Variants in PHETA1 observed in about 807,000 individuals in gnomAD.
PHETA1 encodes PH domain containing endocytic trafficking adaptor 1.
For missense variants in PHETA1, 348 were observed against 373.5 expected (o/e 0.93, Z 0.56); for synonymous variants, 155 against 168.9 (o/e 0.92, Z 0.64).
chr12:111,363,532 C>T lies in PHETA1; in HGVS notation c.-36-69G>A. 1 of 1,535,588 alleles carries T rather than the reference C, an allele frequency of 6.5e-7. No individual in the cohort carries two copies. The highest frequency in any genetic ancestry group is 8.7e-7 in the Non-Finnish European group (1 of 1,144,884). On this transcript the variant is annotated intron_variant, in intron 2 of 2. Coordinates refer to ENST00000683047, the MANE Select transcript of PHETA1 (RefSeq NM_144671.6). The surrounding 1 kb of genome is among the most constrained non-coding windows in gnomAD (Gnocchi z 7.4). ...TAGGTCACCCAGTGCCCCAAGGGGA[C>T]CTTGCAGCCACTCTACATCCCCGTT...
intron 2 of PHETA1, among the ~76,000 whole-genome samples, chr12:111,364,255 G>A (rs1021975576): frequency 6.6e-6 from 1 of 151,206 alleles, no homozygotes; most frequent in Non-Finnish European, 1.5e-5. Flanking sequence ...GCTGAGGCAG[G>A]AGAATCACCT....
chr12:111,362,807 C>A lies in PHETA1; in HGVS notation c.621G>T (p.Pro207=). The part of the protein sequence containing the change: ...FRPGPEPPPP[P]PRRRASAPHG... ...GGGGTGCCGAGGCCCGGCGGCGAGGCGGTGGTGGAGGGGGCTCGGGTCCAG... is the reference window on the plus strand; with the variant it reads ...GGGGTGCCGAGGCCCGGCGGCGAGGAGGTGGTGGAGGGGGCTCGGGTCCAG... Residue 207 remains proline (P), a synonymous_variant, in exon 3 of 3, where the codon CCG becomes CCT. Coordinates refer to ENST00000683047, the MANE Select transcript of PHETA1 (RefSeq NM_144671.6). 6.5e-7 allele frequency: 1 copy of A among 1,538,930 alleles called. No homozygotes were observed. The highest frequency in any genetic ancestry group is 8.7e-7 in the Non-Finnish European group (1 of 1,145,244).
chr12:111,362,633 A>G lies in PHETA1; in HGVS notation c.*45T>C. The G allele has an allele frequency of 5.8e-6, 9 of 1,548,376 alleles. No homozygotes were observed. The highest frequency in any genetic ancestry group is 7.8e-6 in the Non-Finnish European group (9 of 1,146,816). On this transcript the variant is annotated 3_prime_UTR_variant, in exon 3 of 3. Transcript: ENST00000683047. ...CTCTCCAGGACCCGGCCTGTCCCAG[A>G]GGGCATAGAGCTTGTGTCCCCCTAA... is the stretch of plus-strand genomic sequence containing the variant.
intron 2 of PHETA1, chr12:111,365,521 C>T: frequency 4.4e-6 from 2 of 455,972 alleles, no homozygotes; most frequent in South Asian, 1.6e-5. Flanking sequence ...CCCAAATGCC[C>T]ATCAATGATA....
In PHETA1 at chr12:111,367,218, G is replaced by A. The variant is rs150037083; in HGVS notation, c.-181-961C>T. 4.1e-4 allele frequency among the ~76,000 whole-genome samples: 63 copies of A among 152,122 alleles called. No individual in the cohort carries two copies. The highest frequency in any genetic ancestry group is 1.5e-3 in the African/African-American group (62 of 41,478). ...TCACAAGGCCAGCTCCCCATCCTTT[G>A]GTCTCAGCCTAGCTGTCACCTCCTC... On this transcript the variant is annotated intron_variant, in intron 1 of 2. Coordinates refer to ENST00000683047, the MANE Select transcript of PHETA1 (RefSeq NM_144671.6). The surrounding 1 kb of genome is among the most constrained non-coding windows in gnomAD (Gnocchi z 4.0).
rs995668204 is a variant in PHETA1 at position 111,362,448 on chromosome 12, C to A, written c.*230G>T. On this transcript the variant is annotated 3_prime_UTR_variant, in exon 3 of 3. Coordinates refer to ENST00000683047, the MANE Select transcript of PHETA1 (RefSeq NM_144671.6). ...GCCCTGGATTCTCCTTAGTGTTGCA[C>A]GTGACGTTCCCCTCAAGGGTAGGCC... The A allele has an allele frequency of 4.4e-6, 5 of 1,138,942 alleles. No homozygotes were observed. The highest frequency in any genetic ancestry group is 2.0e-4 in the Middle Eastern group (1 of 4,974). The allele number at this position is 1,138,942 out of a possible 1,614,324, so 70.6% of individuals were successfully genotyped here. A position where few individuals can be genotyped will look rare whatever the true frequency, so the allele number is the denominator to read the frequency against.
At position 111,361,814 on chromosome 12, in the gene PHETA1, C is replaced by T. The variant is rs1443768067; in HGVS notation, c.*864G>A. On this transcript the variant is annotated 3_prime_UTR_variant, in exon 3 of 3. Transcript: ENST00000683047. ...CTGGGGGAACCTGCTAGAAGGTCAC[C>T]TCGGGCCATGGCTACCCAGCCCAGG... The T allele has an allele frequency of 2.2e-6, 1 of 448,404 alleles. No individual in the cohort carries two copies. The highest frequency in any genetic ancestry group is 1.6e-5 in the South Asian group (1 of 64,028). The allele number at this position is 448,404 out of a possible 1,614,324, so 27.8% of individuals were successfully genotyped here. A position where few individuals can be genotyped will look rare whatever the true frequency, so the allele number is the denominator to read the frequency against.
rs1868623842 is a variant in PHETA1, at chr12:111,361,863, A to C, written c.*815T>G. The C allele has an allele frequency of 6.6e-6, 3 of 455,778 alleles. No homozygotes were observed. The highest frequency in any genetic ancestry group is 4.6e-5 in the South Asian group (3 of 64,562). 28.2% of individuals were successfully genotyped at this position (455,778 alleles called of 1,614,324 possible). A position where few individuals can be genotyped will look rare whatever the true frequency, so the allele number is the denominator to read the frequency against. On this transcript the variant is annotated 3_prime_UTR_variant, in exon 3 of 3. Coordinates refer to ENST00000683047, the MANE Select transcript of PHETA1 (RefSeq NM_144671.6). Reference sequence around the variant, plus strand: ...GGAAGGGAGGTCAGGCAAGCTCCCAAGGGGCCCCAGGCCTAGGGGCCAAGA... The same window carrying C: ...GGAAGGGAGGTCAGGCAAGCTCCCACGGGGCCCCAGGCCTAGGGGCCAAGA...
At chr12:111,365,003 G>A (rs1026455251) in intron 2 of PHETA1, among the ~76,000 whole-genome samples, 7 of 152,122 alleles carry the variant, frequency 4.6e-5, no homozygotes, top group Non-Finnish European at 8.8e-5. Flanking sequence ...GCAGGGGGTC[G>A]ACCCGTGCCA....
At position 111,363,290 on chromosome 12, in the gene PHETA1, G is replaced by A. The variant is rs760142599; in HGVS notation, c.138C>T (p.Leu46=). ...RRWFVLRGNM[L]FYFEDAASRE... ...GGCTGGCAGCGTCCTCGAAGTAGAA[G>A]AGCATGTTCCCGCGCAGCACGAACC... Residue 46 remains leucine, a synonymous_variant, in exon 3 of 3, where the codon CTC becomes CTT. Coordinates refer to ENST00000683047, the MANE Select transcript of PHETA1 (RefSeq NM_144671.6). This position sits in a 1 kb window ranked among gnomAD's most constrained non-coding sequence, Gnocchi z 7.4. The A allele has an allele frequency of 1.2e-6, 2 of 1,613,178 alleles. No homozygotes were observed. The highest frequency in any genetic ancestry group is 2.2e-5 in the South Asian group (2 of 91,074).
At position 111,362,604 on chromosome 12, in the gene PHETA1, C is replaced by A. The variant is rs574531685; in HGVS notation, c.*74G>T. 3 of 1,544,340 alleles carry A rather than the reference C, an allele frequency of 1.9e-6. No individual in the cohort carries two copies. In the African/African-American group the frequency reaches 4.1e-5, roughly 21 times the overall value. On this transcript the variant is annotated 3_prime_UTR_variant, in exon 3 of 3. Coordinates refer to ENST00000683047, the MANE Select transcript of PHETA1 (RefSeq NM_144671.6). Reference sequence around the variant, plus strand: ...TGATTTCCCTCAGGATCTGCTCCCCCAGTCTCTCCAGGACCCGGCCTGTCC... The same window carrying A: ...TGATTTCCCTCAGGATCTGCTCCCCAAGTCTCTCCAGGACCCGGCCTGTCC...
rs745434699 is a variant in PHETA1 at position 111,363,199 on chromosome 12, ACTC to A, written c.226_228del (p.Glu76del). The A allele has an allele frequency of 1.9e-6, 3 of 1,612,790 alleles. No homozygotes were observed. Among genetic ancestry groups the A allele is most frequent in the Non-Finnish European group, 2.5e-6 (3 of 1,179,890 alleles). On this transcript the variant is annotated inframe_deletion, in exon 3 of 3. Coordinates refer to ENST00000683047, the MANE Select transcript of PHETA1 (RefSeq NM_144671.6). The surrounding 1 kb of genome is among the most constrained non-coding windows in gnomAD (Gnocchi z 7.4). ...CCCGCAAAGCGCACAGCGAAGGCGA[ACTC>A]CTCGGCGGCCTCCACCAGCTCCACA... is the stretch of plus-strand genomic sequence containing the variant.
In PHETA1 at chr12:111,360,864, T is replaced by G. The variant is rs925734088; in HGVS notation, c.*1814A>C. Reference sequence around the variant, plus strand: ...AGAGTCTGTAAACCTACGCCAGGACTGGGGTTAACACCCCAGCCCACCAGC... The same window carrying G: ...AGAGTCTGTAAACCTACGCCAGGACGGGGGTTAACACCCCAGCCCACCAGC... On this transcript the variant is annotated 3_prime_UTR_variant, in exon 3 of 3. Transcript: ENST00000683047. 2 of 152,702 alleles carry G rather than the reference T, an allele frequency of 1.3e-5. No individual in the cohort carries two copies. The highest frequency in any genetic ancestry group is 1.3e-4 in the Admixed American group (2 of 15,272). The allele number at this position is 152,702 out of a possible 1,614,324, so 9.5% of individuals were successfully genotyped here. A position where few individuals can be genotyped will look rare whatever the true frequency, so the allele number is the denominator to read the frequency against.
rs1434498545 is a variant in PHETA1, at chr12:111,362,862, G to A, written c.566C>T (p.Ala189Val). 3.9e-6 allele frequency: 6 copies of A among 1,537,062 alleles called. No individual in the cohort carries two copies. The Middle Eastern group carries it at 5.5e-4, about 141-fold the overall frequency. ...SALPPKENGC[A>V]VWSTEATFRP... The stretch of plus-strand genomic sequence containing the variant: ...GAAGGTGGCCTCAGTGCTCCAGACA[G>A]CGCAGCCATTCTCCTTGGGCGGGAG... Residue 189 changes from alanine (A) to valine (V), a missense_variant, in exon 3 of 3, where the codon GCT (alanine) becomes GTT (valine). Transcript: ENST00000683047.
chr12:111,363,666 AG>A lies in PHETA1; in HGVS notation c.-36-204del. 1.3e-6 allele frequency: 2 copies of A among 1,533,866 alleles called. No individual in the cohort carries two copies. The highest frequency in any genetic ancestry group is 1.7e-6 in the Non-Finnish European group (2 of 1,146,016). ...GAACCTGGGTCTCACGGGCCTCCCC[AG>A]ACAGCCTCATAACCTCCTACCCTCC... On this transcript the variant is annotated intron_variant, in intron 2 of 2. Coordinates refer to ENST00000683047, the MANE Select transcript of PHETA1 (RefSeq NM_144671.6). The surrounding 1 kb of genome is among the most constrained non-coding windows in gnomAD (Gnocchi z 7.4).
In PHETA1 at chr12:111,361,256, A is replaced by T. The variant is rs1868582910; in HGVS notation, c.*1422T>A. ...CTTTGTTGCCAGAGAAAAAAAAATGAACCCTAAGTATTTAAAATTCAGACG... is the reference window on the plus strand; with the variant it reads ...CTTTGTTGCCAGAGAAAAAAAAATGTACCCTAAGTATTTAAAATTCAGACG... On this transcript the variant is annotated 3_prime_UTR_variant, in exon 3 of 3. Coordinates refer to ENST00000683047, the MANE Select transcript of PHETA1 (RefSeq NM_144671.6). 1 of 152,184 alleles carries T rather than the reference A, an allele frequency of 6.6e-6. No individual in the cohort carries two copies. The highest frequency in any genetic ancestry group is 2.1e-4 in the South Asian group (1 of 4,826). 9.4% of individuals were successfully genotyped at this position (152,184 alleles called of 1,614,324 possible). A position where few individuals can be genotyped will look rare whatever the true frequency, so the allele number is the denominator to read the frequency against.
At position 111,362,944 on chromosome 12, in the gene PHETA1, G is replaced by A; in HGVS notation, c.484C>T (p.Leu162=). 2 of 1,487,940 alleles carry A rather than the reference G, an allele frequency of 1.3e-6. No individual in the cohort carries two copies. The highest frequency in any genetic ancestry group is 2.7e-5 in the South Asian group (2 of 75,164). The allele number at this position is 1,487,940 out of a possible 1,614,324, so 92.2% of individuals were successfully genotyped here. ...LPSALAPVPS[L]PSAPAPVPAL... is the part of the protein sequence containing the mutation. Reference sequence around the variant, plus strand: ...GGGACCGGGGCTGGGGCAGAAGGCAGGGATGGGACTGGGGCCAGGGCAGAG... The same window carrying A: ...GGGACCGGGGCTGGGGCAGAAGGCAAGGATGGGACTGGGGCCAGGGCAGAG... Residue 162 remains leucine (L), a synonymous_variant, in exon 3 of 3, where the codon CTG becomes TTG. Transcript: ENST00000683047.
At chr12:111,365,747 T>A in intron 2 of PHETA1, 1 of 240,758 alleles carries the variant, frequency 4.2e-6, no homozygotes, top group South Asian at 3.6e-5. Flanking sequence ...GCAGAACACA[T>A]ATCGGGGCCT....
chr12:111,366,986 T>C lies in PHETA1; in HGVS notation c.-181-729A>G, dbSNP rs540870707. On this transcript the variant is annotated intron_variant, in intron 1 of 2. Transcript: ENST00000683047. ...GGGAGGCTAACATGGAAGGACCCCT[T>C]GAACTTGGGGGGTGACATAGTGAGA... Among the ~76,000 whole-genome samples, 119 of 149,662 alleles carry C rather than the reference T, an allele frequency of 8.0e-4. 1 individual carries two copies. Among genetic ancestry groups the C allele is most frequent in the African/African-American group, 2.8e-3 (112 of 40,540 alleles).
Sources: allele counts gnomAD v4.1 joint callset (sites outside exome capture counted in the v4.1 genomes callset), GRCh38; gene constraint gnomAD v4.1.1; non-coding constraint Gnocchi (gnomAD v3.1); transcripts MANE v1.5; gene names NCBI Gene and HGNC (gene_info 2026-07-23, HGNC 2026-07-21).